CACNA2D4: variants seen among roughly 807,000 people sequenced by gnomAD.
CACNA2D4 encodes the protein voltage-dependent calcium channel subunit alpha-2/delta-4.
In CACNA2D4, 157 loss-of-function variants were observed where a neutral mutation model predicts 163.8. That is an observed-to-expected ratio of 0.96 (90% confidence interval 0.84 to 1.09). The LOEUF is 1.09. CACNA2D4 is among the 50% of genes least tolerant of loss of function. The pLI, the probability that CACNA2D4 is intolerant of heterozygous loss-of-function variation, is 0.00. For missense variants in CACNA2D4, 1,410 were observed against 1,479.9 expected (o/e 0.95, Z 0.78); for synonymous variants, 598 against 586.9 (o/e 1.02, Z -0.27).
At position 1,917,074 on chromosome 12, in the gene CACNA2D4, T is replaced by C. The variant is rs1867003275; in HGVS notation, c.227+1173A>G. ...ACATCTCCTGCAGCAACAGATAGCG[T>C]TACGGGCTGGCGGCGGGTGTAATGG... On this transcript the variant is annotated intron_variant, in intron 1 of 37. Coordinates refer to ENST00000382722, the MANE Select transcript of CACNA2D4 (RefSeq NM_172364.5). The surrounding 1 kb of genome is among the most constrained non-coding windows in gnomAD (Gnocchi z 4.3). Among the ~76,000 whole-genome samples the C allele has an allele frequency of 6.6e-6, 1 of 152,144 alleles. No homozygotes were observed. The highest frequency in any genetic ancestry group is 2.1e-4 in the South Asian group (1 of 4,838).
chr12:1,870,109 T>C (rs1034325183), intron 18 of CACNA2D4, among the ~76,000 whole-genome samples: 3 of 152,110 alleles, frequency 2.0e-5, no homozygotes, highest in Non-Finnish European at 4.4e-5. Context: ...ACTCCTAAGG[T>C]GTAGTTCTTC....
chr12:1,898,629 G>A (rs1866462074), intron 6 of CACNA2D4, among the ~76,000 whole-genome samples: 1 of 152,104 alleles, frequency 6.6e-6, no homozygotes, highest in East Asian at 1.9e-4. Context: ...ATTTAGAAAA[G>A]TCGGAACCCT....
chr12:1,821,647 G>A (rs1864107717), intron 26 of CACNA2D4, among the ~76,000 whole-genome samples: 1 of 152,166 alleles, frequency 6.6e-6, no homozygotes, highest in African/African-American at 2.4e-5. Flanking sequence ...GGCCAGGCCT[G>A]CCTGGCTTCT....
rs1865454657 is a variant in CACNA2D4, at chr12:1,858,641, C to A, written c.1944G>T (p.Leu648Phe). 6.2e-7 allele frequency: 1 copy of A among 1,600,148 alleles called. No homozygotes were observed. Among genetic ancestry groups the A allele is most frequent in the Non-Finnish European group, 8.5e-7 (1 of 1,172,696 alleles). The stretch of plus-strand genomic sequence containing the variant: ...CGTGGCCCCGGGACAGCACCACCCC[C>A]AAACTGTGGGGAGAGAAGAGAAGGC... Reference protein sequence around the residue: ...FTDISDTPFSLGVVLSRGHGE... With the variant: ...FTDISDTPFSFGVVLSRGHGE... The change falls in exon 20 of 38, where the codon TTG (leucine) becomes TTT (phenylalanine). Residue 648 changes from leucine (L) to phenylalanine (F), a missense_variant. Physicochemically the swap from Leu to Phe is conservative, Grantham distance 22. Transcript: ENST00000382722.
At position 1,883,122 on chromosome 12, in the gene CACNA2D4, G is replaced by C; in HGVS notation, c.1352-122C>G. On this transcript the variant is annotated intron_variant, in intron 12 of 37. Coordinates refer to ENST00000382722, the MANE Select transcript of CACNA2D4 (RefSeq NM_172364.5). This position sits in a 1 kb window ranked among gnomAD's most constrained non-coding sequence, Gnocchi z 4.5. ...CCGAATACTCTCTGGAAACTGGACCGGGGCACAGGGAGCTGCTTCCCCACA... is the reference window on the plus strand; with the variant it reads ...CCGAATACTCTCTGGAAACTGGACCCGGGCACAGGGAGCTGCTTCCCCACA... 1 of 1,131,526 alleles carries C rather than the reference G, an allele frequency of 8.8e-7. No homozygotes were observed. The highest frequency in any genetic ancestry group is 1.6e-5 in the South Asian group (1 of 64,276). 70.1% of individuals were successfully genotyped at this position (1,131,526 alleles called of 1,614,324 possible). A position where few individuals can be genotyped will look rare whatever the true frequency, so the allele number is the denominator to read the frequency against.
intron 19 of CACNA2D4, among the ~76,000 whole-genome samples, chr12:1,859,790 C>T (rs999387218): frequency 2.0e-5 from 3 of 152,242 alleles, no homozygotes; most frequent in Non-Finnish European, 4.4e-5. Flanking sequence ...CAGGGCTAAC[C>T]GCCCTCGGGG....
intron 26 of CACNA2D4, chr12:1,823,270 G>A (rs1197410241): frequency 1.3e-5 from 2 of 152,418 alleles, no homozygotes; most frequent in African/African-American, 4.8e-5. Context: ...GCGGACACCA[G>A]GTCTGTGGTG....
intron 26 of CACNA2D4, among the ~76,000 whole-genome samples, chr12:1,822,830 G>T (rs986763038): frequency 2.0e-5 from 3 of 152,216 alleles, no homozygotes; most frequent in Non-Finnish European, 4.4e-5. Flanking sequence ...AGCCTAGACG[G>T]CTGTGGCAGC....
chr12:1,886,144 G>A, intron 8 of CACNA2D4, 79 bp downstream of exon 8: 1 of 1,565,846 alleles, frequency 6.4e-7, no homozygotes, highest in Admixed American at 1.7e-5. Flanking sequence ...GGGTGGTCAG[G>A]GGTTGTGGGT....
rs774126351 is a variant in CACNA2D4, at chr12:1,878,363, C to T, written c.1671G>A (p.Leu557=). 1.9e-6 allele frequency: 3 copies of T among 1,607,972 alleles called. No homozygotes were observed. Among genetic ancestry groups the T allele is most frequent in the South Asian group, 2.2e-5 (2 of 89,334 alleles). The part of the protein sequence containing the change: ...YKLGVHGYAF[L]NTNNGYILSH... Reference sequence around the variant, plus strand: ...AGAGGATGTAGCCATTGTTGGTGTTCAGAAAGGCGTATCCGTGCACTCCAA... The same window carrying T: ...AGAGGATGTAGCCATTGTTGGTGTTTAGAAAGGCGTATCCGTGCACTCCAA... Residue 557 remains leucine, a synonymous_variant, in exon 16 of 38, where the codon CTG becomes CTA. Transcript: ENST00000382722. The surrounding 1 kb of genome is among the most constrained non-coding windows in gnomAD (Gnocchi z 4.6).
chr12:1,829,256 G>A lies in CACNA2D4; in HGVS notation c.2551+11483C>T, dbSNP rs1278238626. 1.3e-5 allele frequency among the ~76,000 whole-genome samples: 2 copies of A among 152,212 alleles called. No homozygotes were observed. Among genetic ancestry groups the A allele is most frequent in the South Asian group, 2.1e-4 (1 of 4,834 alleles). On this transcript the variant is annotated intron_variant, in intron 26 of 37. Coordinates refer to ENST00000382722, the MANE Select transcript of CACNA2D4 (RefSeq NM_172364.5). This position sits in a 1 kb window ranked among gnomAD's most constrained non-coding sequence, Gnocchi z 4.2. ...GGAGGGGCGAGCGGCTTCTGGTGAT[G>A]CAGATCCTTTTGAGAGGGAGCTGAA...
intron 18 of CACNA2D4, among the ~76,000 whole-genome samples, chr12:1,863,846 C>A (rs115558744): frequency 1.3e-5 from 2 of 151,380 alleles, no homozygotes; most frequent in Non-Finnish European, 2.9e-5. Context: ...TTGTACACAG[C>A]GCAGAAACAG....
rs531940617 is a variant in CACNA2D4, at chr12:1,827,999, C to A, written c.2551+12740G>T. The A allele has an allele frequency of 2.4e-4, 132 of 559,020 alleles. 1 individual carries two copies. Among genetic ancestry groups the A allele is most frequent in the Middle Eastern group, 4.9e-4 (1 of 2,060 alleles). 34.6% of individuals were successfully genotyped at this position (559,020 alleles called of 1,614,324 possible). ...GGGCATGAGGAGTGTAAAGAGACAC[C>A]CGGGCCCTCTCCCTAACCCCTGGGC... On this transcript the variant is annotated intron_variant, in intron 26 of 37. Transcript: ENST00000382722.
Position 1,795,676 on chromosome 12 carries a change from T to C in CACNA2D4, c.3218A>G (p.Glu1073Gly). Reference protein sequence around the residue: ...IFPPVLQEATEVKYNASVKCD... With the variant: ...IFPPVLQEATGVKYNASVKCD... ...CGAGCATTGCAGGATATATTTGACT[T>C]CTGTCGCCTCCTGCAGCACTGGTGG... is the stretch of plus-strand genomic sequence containing the variant. The change falls in exon 36 of 38, where the codon GAA becomes GGA. Residue 1073 changes from glutamate to glycine, a missense_variant. Glu to Gly is a moderately conservative substitution (Grantham distance 98, BLOSUM62 -2). Transcript: ENST00000382722. The C allele has an allele frequency of 6.2e-7, 1 of 1,607,560 alleles. No individual in the cohort carries two copies. The highest frequency in any genetic ancestry group is 1.1e-5 in the South Asian group (1 of 90,950).
At chr12:1,880,595 T>G (rs1306696747) in intron 13 of CACNA2D4, among the ~76,000 whole-genome samples, 1 of 152,192 alleles carries the variant, frequency 6.6e-6, no homozygotes, top group Non-Finnish European at 1.5e-5. Flanking sequence ...GACAAGCATG[T>G]GGGAAGAGAG....
Position 1,843,923 on chromosome 12 carries a change from C to G in CACNA2D4, c.2470+479G>C, listed in dbSNP as rs1446220945. ...AGGCTGGGAGCTCCCTGAGGCTGGTCCTGGGTGGTCCTGGGTAACTGGGGA... is the reference window on the plus strand; with the variant it reads ...AGGCTGGGAGCTCCCTGAGGCTGGTGCTGGGTGGTCCTGGGTAACTGGGGA... On this transcript the variant is annotated intron_variant, in intron 25 of 37. Coordinates refer to ENST00000382722, the MANE Select transcript of CACNA2D4 (RefSeq NM_172364.5). This position sits in a 1 kb window ranked among gnomAD's most constrained non-coding sequence, Gnocchi z 4.6. 2.6e-5 allele frequency among the ~76,000 whole-genome samples: 4 copies of G among 152,076 alleles called. No homozygotes were observed. The highest frequency in any genetic ancestry group is 5.9e-5 in the Non-Finnish European group (4 of 68,012).
At position 1,801,076 on chromosome 12, in the gene CACNA2D4, A is replaced by T. The variant is rs1792563582; in HGVS notation, c.2835T>A (p.Ser945Arg). 6.2e-7 allele frequency: 1 copy of T among 1,613,416 alleles called. No homozygotes were observed. Among genetic ancestry groups the T allele is most frequent in the Non-Finnish European group, 8.5e-7 (1 of 1,179,848 alleles). Residue 945 changes from serine to arginine, a missense_variant, in exon 31 of 38, where the codon AGT becomes AGA. Physicochemically the swap from Ser to Arg is moderately radical, Grantham distance 110. Transcript: ENST00000382722. ...GGGGCTGGGCTGCACTGTGGTGGTGACTCGAGGGTTTGCACATGGCCTGAT... is the reference window on the plus strand; with the variant it reads ...GGGGCTGGGCTGCACTGTGGTGGTGTCTCGAGGGTTTGCACATGGCCTGAT... ...YDYQAMCKPS[S>R]HHHSAAQPLV...
intron 3 of CACNA2D4, 38 bp from the exon 4 acceptor site, chr12:1,910,003 AAAGG>A: frequency 6.3e-7 from 1 of 1,577,136 alleles, no homozygotes; most frequent in South Asian, 1.1e-5. Context: ...AGAATGGGTA[AAAGG>A]AGCCCAGTGG....
At chr12:1,831,335 C>T (rs753785266) in intron 26 of CACNA2D4, 2 of 1,613,884 alleles carry the variant, frequency 1.2e-6, no homozygotes, top group South Asian at 1.1e-5. Flanking sequence ...CCCAGTTGCC[C>T]CCTGGTCTTT....
Sources: gnomAD v4.1 joint callset for allele counts (sites outside exome capture counted in the v4.1 genomes callset) on GRCh38, gnomAD v4.1.1 for gene constraint, Gnocchi (gnomAD v3.1) non-coding constraint, MANE v1.5 for transcripts, NCBI Gene and HGNC (gene_info 2026-07-23, HGNC 2026-07-21) for gene names.